Variants in IFI16 observed in about 807,000 individuals in gnomAD.
IFI16 encodes the protein interferon gamma inducible protein 16, also known as gamma-interferon-inducible protein 16.
A neutral mutation model predicts 68.4 loss-of-function variants in IFI16; 49 were observed. That is an observed-to-expected ratio of 0.72 (90% confidence interval 0.57 to 0.91). The LOEUF (loss-of-function observed/expected upper bound fraction) is 0.91. Ranked by LOEUF, IFI16 falls within the 40% of genes least tolerant of loss-of-function variation. The pLI, the probability that IFI16 is intolerant of heterozygous loss-of-function variation, is 0.00. For missense variants in IFI16, 878 were observed against 942.9 expected (o/e 0.93, Z 0.90); for synonymous variants, 307 against 315.0 (o/e 0.97, Z 0.27).
intron 1 of IFI16, 118 bp from the exon 2 acceptor site, chr1:159,014,543 C>G: frequency 1.6e-6 from 1 of 611,564 alleles, no homozygotes; most frequent in Non-Finnish European, 2.7e-6. Context: ...TTGAGTCCTT[C>G]TTTATCACAC....
chr1:159,052,100 T>C lies in IFI16; in HGVS notation c.2085+2T>C. ...AATGGGGTGTTTGAGGTACATAAGG[T>C]AAGCCCACACCATTGTTTTATAAAA... On this transcript the variant is annotated splice_donor_variant, in intron 10 of 11. Coordinates refer to ENST00000295809, the MANE Select transcript of IFI16 (RefSeq NM_001376587.1). LOFTEE classifies it high-confidence loss of function. The C allele has an allele frequency of 6.2e-7, 1 of 1,604,194 alleles. No individual in the cohort carries two copies. Among genetic ancestry groups the C allele is most frequent in the Non-Finnish European group, 8.5e-7 (1 of 1,176,082 alleles).
chr1:159,051,534 C>T (rs746887649), intron 9 of IFI16, 145 bp from the exon 10 acceptor site: 67 of 623,476 alleles, frequency 1.1e-4, no homozygotes, highest in Admixed American at 1.7e-4. Context: ...CATACTATCT[C>T]AGTGATCTTT....
At position 159,051,689 on chromosome 1, in the gene IFI16, G is replaced by A; in HGVS notation, c.1676G>A (p.Arg559Lys). The change falls in exon 10 of 12, where the codon AGA (arginine) becomes AAA (lysine). Residue 559 changes from arginine (R) to lysine (K), a missense_variant. By Grantham distance (26) the Arg-to-Lys change is conservative (BLOSUM62 2). Around this residue, in one of 4 missense-constraint regions of IFI16, gnomAD observed 311 missense variants for 305.1 expected, o/e 1.02. Transcript: ENST00000295809. ...SSSFLTTLKP[R>K]LKTEPEEVSI... The stretch of plus-strand genomic sequence containing the variant: ...TCTCTACCTTCTAAGTTGAAACCAA[G>A]ACTGAAGACTGAACCTGAAGAAGTT... 6.2e-7 allele frequency: 1 copy of A among 1,610,044 alleles called. No individual in the cohort carries two copies. Among genetic ancestry groups the A allele is most frequent in the East Asian group, 2.2e-5 (1 of 44,790 alleles).
chr1:159,002,356 G>A (rs747896435), upstream of IFI16, among the ~76,000 whole-genome samples: 125 of 151,676 alleles, frequency 8.2e-4, 1 homozygote, highest in South Asian at 4.2e-4. Flanking sequence ...TATTTGCTTC[G>A]AAAACACCAA....
At chr1:159,036,633 G>A (rs74122232) in intron 7 of IFI16, among the ~76,000 whole-genome samples, 24,969 of 152,118 alleles carry the variant, frequency 0.16, 2,352 homozygotes, top group East Asian at 0.3. Flanking sequence ...GTTTGGGTTT[G>A]TTTTCATAAT....
intron 8 of IFI16, 118 bp downstream of exon 8, chr1:159,045,582 A>G: frequency 1.9e-6 from 2 of 1,030,616 alleles, no homozygotes; most frequent in South Asian, 1.6e-5. Flanking sequence ...ATTTAACCAA[A>G]TCAGTCATTT....
intron 3 of IFI16, 107 bp downstream of exon 3, chr1:159,016,094 C>A: frequency 1.4e-6 from 1 of 713,358 alleles, no homozygotes. Flanking sequence ...TGTTTCCCAT[C>A]AAGTTTCAGA....
intron 6 of IFI16, among the ~76,000 whole-genome samples, chr1:159,024,426 T>C (rs965312010): frequency 6.6e-6 from 1 of 152,192 alleles, no homozygotes; most frequent in African/African-American, 2.4e-5. Context: ...CAGAGTTACA[T>C]TGATAAGGGC....
intron 1 of IFI16, among the ~76,000 whole-genome samples, chr1:159,013,961 G>A (rs567761254): frequency 6.6e-6 from 1 of 150,818 alleles, no homozygotes. Context: ...CTGATTGTGC[G>A]AAAAGAAATA....
chr1:159,022,392 T>C (rs952016063), intron 6 of IFI16, among the ~76,000 whole-genome samples: 23 of 152,210 alleles, frequency 1.5e-4, no homozygotes, highest in African/African-American at 5.5e-4. Flanking sequence ...GTAGAAAGGG[T>C]ACACTCGCCA....
intron 6 of IFI16, among the ~76,000 whole-genome samples, chr1:159,021,205 G>A (rs896937169): frequency 1.3e-5 from 2 of 152,100 alleles, no homozygotes; most frequent in East Asian, 1.9e-4. Flanking sequence ...TCCAAGCAGC[G>A]TACACTGTAC....
rs372748714 is a variant in IFI16 at position 159,051,785 on chromosome 1, A to G, written c.1772A>G (p.Tyr591Cys). ...MVLNATESFV[Y>C]EPKEQKKMFH... ...CTGAACGCAACAGAATCATTTGTAT[A>G]TGAGCCCAAAGAGCAGAAGAAAATG... The change falls in exon 10 of 12, where the codon TAT (tyrosine) becomes TGT (cysteine). Residue 591 changes from tyrosine to cysteine, a missense_variant. Coordinates refer to ENST00000295809, the MANE Select transcript of IFI16 (RefSeq NM_001376587.1). The G allele has an allele frequency of 1.2e-6, 2 of 1,614,000 alleles. No individual in the cohort carries two copies. Among genetic ancestry groups the G allele is most frequent in the African/African-American group, 1.3e-5 (1 of 74,930 alleles).
chr1:159,003,644 A>T (rs574118315), upstream of IFI16, among the ~76,000 whole-genome samples: 2 of 59,508 alleles, frequency 3.4e-5, no homozygotes, highest in East Asian at 1.0e-3. Context: ...TATGTCCATA[A>T]TTCTGTATTA....
chr1:159,002,835 C>G (rs940349507), upstream of IFI16, among the ~76,000 whole-genome samples: 2 of 152,182 alleles, frequency 1.3e-5, no homozygotes, highest in African/African-American at 4.8e-5. Context: ...CTGGGAATCT[C>G]TACTTCCTAG....
upstream of IFI16, among the ~76,000 whole-genome samples, chr1:159,001,600 GAAAGA>G (rs551792711): frequency 1.9e-3 from 284 of 152,200 alleles, no homozygotes; most frequent in Non-Finnish European, 3.5e-3. Context: ...TCTTACCAGT[GAAAGA>G]AAAGAAGGAA....
chr1:159,037,281 C>A (rs957552965), intron 7 of IFI16, among the ~76,000 whole-genome samples: 1 of 152,160 alleles, frequency 6.6e-6, no homozygotes, highest in African/African-American at 2.4e-5. Flanking sequence ...GAAAGAGGCA[C>A]GTGTCTCCAT....
intron 1 of IFI16, among the ~76,000 whole-genome samples, chr1:159,013,358 C>T (rs1396941151): frequency 6.6e-6 from 1 of 151,638 alleles, no homozygotes; most frequent in Non-Finnish European, 1.5e-5. Context: ...TTAGTGGAAA[C>T]GAGGTCTCAC....
chr1:159,054,952 T>TA lies in IFI16; in HGVS notation c.*58dup. ...TTTATGGAGATAAGGTCTAAGTGCCTAAAAAAATGTACATATACCTGGTTG... is the reference window on the plus strand; with the variant it reads ...TTTATGGAGATAAGGTCTAAGTGCCTAAAAAAAATGTACATATACCTGGTTG... On this transcript the variant is annotated 3_prime_UTR_variant, in exon 12 of 12. Transcript: ENST00000295809. The TA allele has an allele frequency of 1.0e-6, 1 of 967,140 alleles. No individual in the cohort carries two copies. The highest frequency in any genetic ancestry group is 1.6e-6 in the Non-Finnish European group (1 of 612,096). 59.9% of individuals were successfully genotyped at this position (967,140 alleles called of 1,614,324 possible). A position where few individuals can be genotyped will look rare whatever the true frequency, so the allele number is the denominator to read the frequency against.
At position 159,045,017 on chromosome 1, in the gene IFI16, A is replaced by G. The variant is rs554297667; in HGVS notation, c.1330-280A>G. Among the ~76,000 whole-genome samples, 52 of 152,142 alleles carry G rather than the reference A, an allele frequency of 3.4e-4. 2 individuals carry two copies. The South Asian group carries it at 8.5e-3, about 25-fold the overall frequency. On this transcript the variant is annotated intron_variant, in intron 7 of 11. Coordinates refer to ENST00000295809, the MANE Select transcript of IFI16 (RefSeq NM_001376587.1). ...TAGCCCTAAGAGTTGTACCTGACCA[A>G]ATAACTCAGTCCAGTTTTACAGGAC...
Sources: gnomAD v4.1 joint callset for allele counts (sites outside exome capture counted in the v4.1 genomes callset) on GRCh38, gnomAD v4.1.1 for gene constraint, gnomAD v4.1.1 regional missense constraint, MANE v1.5 for transcripts, NCBI Gene and HGNC (gene_info 2026-07-23, HGNC 2026-07-21) for gene names.